DCLK1: variants seen among roughly 807,000 people sequenced by gnomAD.
DCLK1 encodes doublecortin like kinase 1.
Under a neutral mutation model 86.2 loss-of-function variants are expected in DCLK1, and 16 were observed. That is an observed-to-expected ratio of 0.19 (90% CI 0.13 to 0.28). The LOEUF is 0.28. DCLK1 is among the 10% of genes least tolerant of loss of function. The probability of loss-of-function intolerance (pLI) is 1.00; values close to 1 mark genes in which losing one functional copy is unlikely to be tolerated. For synonymous variants in DCLK1, 369 were observed against 370.5 expected (o/e 1.00, Z 0.05); for missense variants, 590 against 940.2 (o/e 0.63, Z 4.87).
chr13:35,886,439 T>C (rs1276190773), intron 4 of DCLK1, among the ~76,000 whole-genome samples: 1 of 152,206 alleles, frequency 6.6e-6, no homozygotes, highest in Non-Finnish European at 1.5e-5. Flanking sequence ...TAATGACTTC[T>C]TGGGAGATTG....
intron 5 of DCLK1, among the ~76,000 whole-genome samples, chr13:35,870,844 TA>T (rs5802787): frequency 0.17 from 25,696 of 152,094 alleles, 2,272 homozygotes; most frequent in East Asian, 0.24. Flanking sequence ...AAAGTGTGTT[TA>T]ATAAAGGTTC....
At position 35,846,486 on chromosome 13, in the gene DCLK1, A is replaced by T. The variant is rs577531456; in HGVS notation, c.1036-7310T>A. On this transcript the variant is annotated intron_variant, in intron 6 of 16. Transcript: ENST00000360631. ...TTATACTATCTTGGAATTTATCCAT[A>T]ATCTACTAAAATGAACCACATTTTA... The T allele has an allele frequency of 2.1e-5, 21 of 985,356 alleles. No homozygotes were observed. The South Asian group carries it at 6.6e-4, about 31-fold the overall frequency. The allele number at this position is 985,356 out of a possible 1,614,324, so 61.0% of individuals were successfully genotyped here. A position where few individuals can be genotyped will look rare whatever the true frequency, so the allele number is the denominator to read the frequency against.
rs141728884 is a variant in DCLK1 at position 36,047,441 on chromosome 13, A to G, written c.723+64428T>C. Among the ~76,000 whole-genome samples, 525 of 152,316 alleles carry G rather than the reference A, an allele frequency of 3.4e-3. 1 individual carries two copies. The highest frequency in any genetic ancestry group is 5.9e-3 in the Non-Finnish European group (402 of 68,032). ...AAGCAATCTAAGTGTCAATCAATGG[A>G]TAGATACATGGGTTAAAAACATAGT... On this transcript the variant is annotated intron_variant, in intron 3 of 16. Coordinates refer to ENST00000360631, the MANE Select transcript of DCLK1 (RefSeq NM_001330071.2).
intron 4 of DCLK1, among the ~76,000 whole-genome samples, chr13:35,900,003 T>C (rs1349391530): frequency 6.6e-6 from 1 of 152,210 alleles, no homozygotes; most frequent in Non-Finnish European, 1.5e-5. Context: ...ATACCTACCT[T>C]ATTAAATATA....
chr13:36,079,831 T>C (rs1331998668), intron 3 of DCLK1, among the ~76,000 whole-genome samples: 2 of 152,206 alleles, frequency 1.3e-5, no homozygotes, highest in Non-Finnish European at 2.9e-5. Context: ...TTAAGAGCTA[T>C]TGACTTGTGA....
chr13:36,016,528 A>G (rs959623028), intron 3 of DCLK1, among the ~76,000 whole-genome samples: 1 of 152,192 alleles, frequency 6.6e-6, no homozygotes, highest in African/African-American at 2.4e-5. Context: ...AGAGAAAAGC[A>G]CAGCCAATAA....
chr13:35,802,836 A>G (rs1464340139), intron 15 of DCLK1, among the ~76,000 whole-genome samples: 2 of 152,124 alleles, frequency 1.3e-5, no homozygotes, highest in Non-Finnish European at 2.9e-5. Flanking sequence ...GAATCAGAGC[A>G]TTTTGTCATA....
chr13:36,029,722 C>G (rs1882193952), intron 3 of DCLK1, among the ~76,000 whole-genome samples: 1 of 152,078 alleles, frequency 6.6e-6, no homozygotes, highest in African/African-American at 2.4e-5. Context: ...AAGTTTATCT[C>G]CATTATGTAT....
At chr13:35,906,911 G>A (rs1874719051) in intron 4 of DCLK1, among the ~76,000 whole-genome samples, 1 of 152,142 alleles carries the variant, frequency 6.6e-6, no homozygotes, top group Non-Finnish European at 1.5e-5. Flanking sequence ...CCCGGAGTCA[G>A]GTGGTAAGCA....
At chr13:35,805,931 C>T (rs927771117) in intron 14 of DCLK1, 152 bp from the exon 15 acceptor site, 1 of 538,772 alleles carries the variant, frequency 1.9e-6, no homozygotes, top group African/African-American at 1.9e-5. Flanking sequence ...GGCTATTTAT[C>T]ACCTTCAAAA....
chr13:36,046,898 T>C (rs1226740794), intron 3 of DCLK1, among the ~76,000 whole-genome samples: 3 of 152,176 alleles, frequency 2.0e-5, no homozygotes, highest in East Asian at 3.8e-4. Flanking sequence ...ATCAGCTGTT[T>C]CCTGGGCAGC....
At chr13:35,925,400 T>C (rs549021429) in intron 4 of DCLK1, among the ~76,000 whole-genome samples, 1 of 152,210 alleles carries the variant, frequency 6.6e-6, no homozygotes, top group Non-Finnish European at 1.5e-5. Context: ...CAGCAGCACA[T>C]TTAAAAGACG....
chr13:35,819,991 G>A (rs1267739060), intron 11 of DCLK1, among the ~76,000 whole-genome samples: 1 of 152,198 alleles, frequency 6.6e-6, no homozygotes, highest in African/African-American at 2.4e-5. Flanking sequence ...GGCAGTGGAA[G>A]AGTGAACCGC....
intron 3 of DCLK1, among the ~76,000 whole-genome samples, chr13:36,045,318 A>ATGTG (rs1190083437): frequency 1.0e-3 from 82 of 80,038 alleles, no homozygotes; most frequent in African/African-American, 4.1e-3. Context: ...ATGTCTATAT[A>ATGTG]TGTGTGTGTG....
At chr13:36,080,447 A>T (rs760600616) in intron 3 of DCLK1, among the ~76,000 whole-genome samples, 6 of 152,164 alleles carry the variant, frequency 3.9e-5, no homozygotes, top group Non-Finnish European at 8.8e-5. Flanking sequence ...TAGGTCAAGG[A>T]TATTACACAT....
chr13:35,861,185 C>T (rs893911608), intron 5 of DCLK1, among the ~76,000 whole-genome samples: 6 of 152,086 alleles, frequency 3.9e-5, no homozygotes, highest in African/African-American at 1.4e-4. Flanking sequence ...AATGGTGACC[C>T]ACTGAGTGTG....
intron 3 of DCLK1, among the ~76,000 whole-genome samples, chr13:35,970,268 G>A (rs1018062912): frequency 6.6e-6 from 1 of 152,184 alleles, no homozygotes; most frequent in Non-Finnish European, 1.5e-5. Flanking sequence ...AATATCAGAA[G>A]TGCCACTTCC....
intron 4 of DCLK1, among the ~76,000 whole-genome samples, chr13:35,930,565 A>C (rs1316800724): frequency 6.6e-6 from 1 of 152,110 alleles, no homozygotes; most frequent in African/African-American, 2.4e-5. Context: ...ATGTCACTGC[A>C]CTCCAGCCTG....
intron 3 of DCLK1, among the ~76,000 whole-genome samples, chr13:36,007,254 T>G (rs1881018880): frequency 6.6e-6 from 1 of 152,206 alleles, no homozygotes; most frequent in African/African-American, 2.4e-5. Context: ...ATCAAATCCA[T>G]GAATACCAAT....
Sources: gnomAD v4.1 joint callset for allele counts (sites outside exome capture counted in the v4.1 genomes callset) on GRCh38, gnomAD v4.1.1 for gene constraint, MANE v1.5 for transcripts, NCBI Gene and HGNC (gene_info 2026-07-23, HGNC 2026-07-21) for gene names.